RASSF9: variants seen among roughly 807,000 people sequenced by gnomAD.
RASSF9 encodes the protein Ras association domain family member 9.
Under a neutral mutation model 21.4 loss-of-function variants are expected in RASSF9, and 18 were observed. That is an observed-to-expected ratio of 0.84 (90% confidence interval 0.58 to 1.25). The LOEUF is 1.25. Ranked by LOEUF, RASSF9 falls within the 50% of genes most tolerant of loss-of-function variation. The pLI is 0.00. For missense variants in RASSF9, 480 were observed against 503.2 expected (o/e 0.95, Z 0.44); for synonymous variants, 183 against 179.1 (o/e 1.02, Z -0.18).
chr12:85,835,594 G>T (rs1880542984), intron 1 of RASSF9, among the ~76,000 whole-genome samples: 1 of 151,536 alleles, frequency 6.6e-6, no homozygotes, highest in Non-Finnish European at 1.5e-5. Flanking sequence ...TTCAAACAAA[G>T]TTTCTCTCCA....
Position 85,802,175 on chromosome 12 carries a change from T to A in RASSF9, c.*2527A>T, listed in dbSNP as rs1244849886. Reference sequence around the variant, plus strand: ...TTTCATAGTTAACCTGTCAGATTACTCAAGAATTTATACTTTAACATTTCT... The same window carrying A: ...TTTCATAGTTAACCTGTCAGATTACACAAGAATTTATACTTTAACATTTCT... On this transcript the variant is annotated 3_prime_UTR_variant, in exon 2 of 2. Transcript: ENST00000361228. 1 of 152,204 alleles carries A rather than the reference T, an allele frequency of 6.6e-6. No individual in the cohort carries two copies. The highest frequency in any genetic ancestry group is 2.4e-5 in the African/African-American group (1 of 41,460). 9.4% of individuals were successfully genotyped at this position (152,204 alleles called of 1,614,324 possible).
Position 85,804,601 on chromosome 12 carries a change from T to C in RASSF9, c.*101A>G. Reference sequence around the variant, plus strand: ...TTTTATTAACTATTGAATACTACAATATGATTTACATTTTTTTGAGTGTTA... The same window carrying C: ...TTTTATTAACTATTGAATACTACAACATGATTTACATTTTTTTGAGTGTTA... On this transcript the variant is annotated 3_prime_UTR_variant, in exon 2 of 2. Coordinates refer to ENST00000361228, the MANE Select transcript of RASSF9 (RefSeq NM_005447.4). 1 of 1,217,852 alleles carries C rather than the reference T, an allele frequency of 8.2e-7. No homozygotes were observed. Among genetic ancestry groups the C allele is most frequent in the East Asian group, 2.5e-5 (1 of 39,284 alleles). 75.4% of individuals were successfully genotyped at this position (1,217,852 alleles called of 1,614,324 possible). A position where few individuals can be genotyped will look rare whatever the true frequency, so the allele number is the denominator to read the frequency against.
chr12:85,801,971 G>T lies in RASSF9; in HGVS notation c.*2731C>A, dbSNP rs992814985. Reference sequence around the variant, plus strand: ...TTCCAACTAATTGAATGGAACAAACGTATATCATAGAAGAGCTAGCACATT... The same window carrying T: ...TTCCAACTAATTGAATGGAACAAACTTATATCATAGAAGAGCTAGCACATT... On this transcript the variant is annotated 3_prime_UTR_variant, in exon 2 of 2. Transcript: ENST00000361228. The T allele has an allele frequency of 6.6e-6, 1 of 152,162 alleles. No homozygotes were observed. The highest frequency in any genetic ancestry group is 6.5e-5 in the Admixed American group (1 of 15,280). 9.4% of individuals were successfully genotyped at this position (152,162 alleles called of 1,614,324 possible).
At chr12:85,836,116 C>T (rs971009028) in intron 1 of RASSF9, 39 bp downstream of exon 1, 1 of 1,550,814 alleles carries the variant, frequency 6.4e-7, no homozygotes, top group Admixed American at 2.0e-5. Flanking sequence ...CACACACACA[C>T]AGAGACACAC....
In RASSF9 at chr12:85,805,946, T is replaced by C; in HGVS notation, c.64A>G (p.Met22Val). Residue 22 changes from methionine to valine, a missense_variant, in exon 2 of 2, where the codon ATG (methionine) becomes GTG (valine). Physicochemically the swap from Met to Val is conservative, Grantham distance 21 (BLOSUM62 1). Transcript: ENST00000361228. ...ACAATTTCCTTCTCTTCTGAATCCA[T>C]GTCTTTAGTTGGAGATCTGAAAGAA... ...RHKNRSPTKD[M>V]DSEEKEIVVW... 1.9e-6 allele frequency: 3 copies of C among 1,604,644 alleles called. No homozygotes were observed. The African/African-American group carries it at 4.0e-5, about 22-fold the overall frequency.
intron 1 of RASSF9, among the ~76,000 whole-genome samples, chr12:85,813,188 C>T (rs1256074706): frequency 6.6e-6 from 1 of 151,824 alleles, no homozygotes; most frequent in Non-Finnish European, 1.5e-5. Context: ...AAACTTTCAA[C>T]AACATGTGTT....
At chr12:85,810,453 T>C (rs1049558340) in intron 1 of RASSF9, among the ~76,000 whole-genome samples, 3 of 151,994 alleles carry the variant, frequency 2.0e-5, no homozygotes, top group Admixed American at 6.6e-5. Flanking sequence ...TATAGACTTA[T>C]GACCCTCAGC....
At chr12:85,824,137 T>A (rs1880277233) in intron 1 of RASSF9, among the ~76,000 whole-genome samples, 1 of 152,176 alleles carries the variant, frequency 6.6e-6, no homozygotes, top group African/African-American at 2.4e-5. Context: ...TATTTTCATT[T>A]TCATAACTTA....
chr12:85,812,073 C>T (rs1231452648), intron 1 of RASSF9, among the ~76,000 whole-genome samples: 2 of 151,674 alleles, frequency 1.3e-5, no homozygotes, highest in Non-Finnish European at 3.0e-5. Flanking sequence ...AACTATGACT[C>T]CCACAATTTC....
At chr12:85,832,100 G>A (rs181564530) in intron 1 of RASSF9, among the ~76,000 whole-genome samples, 10 of 151,972 alleles carry the variant, frequency 6.6e-5, no homozygotes, top group South Asian at 4.2e-4. Context: ...TGTGAAAGCC[G>A]AAGGGAACCC....
At chr12:85,821,295 AAACT>A (rs1358320928) in intron 1 of RASSF9, among the ~76,000 whole-genome samples, 1 of 152,204 alleles carries the variant, frequency 6.6e-6, no homozygotes, top group East Asian at 1.9e-4. Context: ...CTCTGGCCCA[AAACT>A]AACTGATTAA....
chr12:85,809,793 G>GT (rs1243612452), intron 1 of RASSF9, among the ~76,000 whole-genome samples: 2 of 151,712 alleles, frequency 1.3e-5, no homozygotes, highest in East Asian at 1.9e-4. Context: ...AAATTCTTGT[G>GT]TATTGTGGCC....
intron 1 of RASSF9, among the ~76,000 whole-genome samples, chr12:85,819,264 C>G (rs1373520049): frequency 6.6e-6 from 1 of 151,368 alleles, no homozygotes; most frequent in Non-Finnish European, 1.5e-5. Context: ...TGGAGCTGGT[C>G]CCATACTTAA....
At chr12:85,817,035 T>C (rs1367059966) in intron 1 of RASSF9, among the ~76,000 whole-genome samples, 1 of 152,150 alleles carries the variant, frequency 6.6e-6, no homozygotes, top group East Asian at 1.9e-4. Context: ...TATATTTCAG[T>C]ATATTTATCT....
chr12:85,816,324 G>A lies in RASSF9; in HGVS notation c.48-10362C>T, dbSNP rs1177005771. ...ACTTAAAAGTTAAAAAAAAAAAAAAGCAATGGTTACTAATATTCTACATTT... is the reference window on the plus strand; with the variant it reads ...ACTTAAAAGTTAAAAAAAAAAAAAAACAATGGTTACTAATATTCTACATTT... On this transcript the variant is annotated intron_variant, in intron 1 of 1. Coordinates refer to ENST00000361228, the MANE Select transcript of RASSF9 (RefSeq NM_005447.4). Among the ~76,000 whole-genome samples, 4 of 144,096 alleles carry A rather than the reference G, an allele frequency of 2.8e-5. No individual in the cohort carries two copies. The East Asian group carries it at 5.9e-4, about 21-fold the overall frequency. The allele number at this position is 144,096 out of a possible 152,430, so 94.5% of individuals were successfully genotyped here. A position where few individuals can be genotyped will look rare whatever the true frequency, so the allele number is the denominator to read the frequency against.
At chr12:85,808,072 C>T (rs61928955) in intron 1 of RASSF9, among the ~76,000 whole-genome samples, 8,471 of 152,148 alleles carry the variant, frequency 0.056, 322 homozygotes, top group Non-Finnish European at 0.079. Context: ...GAAAATTTCC[C>T]TGCCTTCTAT....
intron 1 of RASSF9, among the ~76,000 whole-genome samples, chr12:85,817,625 T>C (rs1224071397): frequency 6.6e-6 from 1 of 151,992 alleles, no homozygotes; most frequent in Non-Finnish European, 1.5e-5. Flanking sequence ...TAAATTATGG[T>C]ATATAAATTA....
Position 85,804,964 on chromosome 12 carries a change from A to G in RASSF9, c.1046T>C (p.Leu349Ser). 1 of 1,613,896 alleles carries G rather than the reference A, an allele frequency of 6.2e-7. No individual in the cohort carries two copies. The highest frequency in any genetic ancestry group is 8.5e-7 in the Non-Finnish European group (1 of 1,179,800). Residue 349 changes from leucine (L) to serine (S), a missense_variant, in exon 2 of 2, where the codon TTG becomes TCG. Physicochemically the swap from Leu to Ser is moderately radical, Grantham distance 145. Coordinates refer to ENST00000361228, the MANE Select transcript of RASSF9 (RefSeq NM_005447.4). The part of the protein sequence containing the change: ...IQKEIKYSDS[L>S]LQMKAKEYEL... ...ATATTCTTTTGCTTTCATCTGAAGCAATGAGTCACTGTATTTAATCTCTTT... is the reference window on the plus strand; with the variant it reads ...ATATTCTTTTGCTTTCATCTGAAGCGATGAGTCACTGTATTTAATCTCTTT...
At chr12:85,831,374 C>T (rs1880445415) in intron 1 of RASSF9, among the ~76,000 whole-genome samples, 1 of 152,018 alleles carries the variant, frequency 6.6e-6, no homozygotes, top group Non-Finnish European at 1.5e-5. Flanking sequence ...CTCGCCTTGA[C>T]ATGTGTCAGG....
Sources: gnomAD v4.1 joint callset for allele counts (sites outside exome capture counted in the v4.1 genomes callset) on GRCh38, gnomAD v4.1.1 for gene constraint, MANE v1.5 for transcripts, NCBI Gene and HGNC (gene_info 2026-07-23, HGNC 2026-07-21) for gene names.